SHCBP1: variants seen among roughly 807,000 people sequenced by gnomAD.
The protein encoded by SHCBP1 is SHC binding and spindle associated 1, also known as SHC SH2 domain-binding protein 1.
SHCBP1 carries 60 observed loss-of-function variants against 75.1 expected under a neutral mutation model. The ratio of observed to expected loss-of-function variants is 0.80; its 90% confidence interval spans 0.65 to 0.99. The LOEUF (loss-of-function observed/expected upper bound fraction) is 0.99, where lower values mean the gene tolerates loss of function less well. Ranked by LOEUF, SHCBP1 falls within the 50% of genes least tolerant of loss-of-function variation. The pLI, the probability that SHCBP1 is intolerant of heterozygous loss-of-function variation, is 0.00. For synonymous variants in SHCBP1, 290 were observed against 293.2 expected (o/e 0.99, Z 0.11); for missense variants, 709 against 809.4 (o/e 0.88, Z 1.50).
In SHCBP1 at chr16:46,621,374, G is replaced by C; in HGVS notation, c.-15C>G. On this transcript the variant is annotated 5_prime_UTR_variant, in exon 1 of 13. Transcript: ENST00000303383. ...CCGTCAGCCATTTCAAATTTCCGCG[G>C]ACGGCAGCCCAGGCAACGACGTGAT... is the stretch of plus-strand genomic sequence containing the variant. The C allele has an allele frequency of 6.2e-6, 10 of 1,610,004 alleles. No homozygotes were observed. Among genetic ancestry groups the C allele is most frequent in the Non-Finnish European group, 8.5e-6 (10 of 1,178,262 alleles).
chr16:46,601,731 T>C (rs1028684623), intron 8 of SHCBP1, among the ~76,000 whole-genome samples: 2 of 152,210 alleles, frequency 1.3e-5, no homozygotes, highest in Admixed American at 1.3e-4. Context: ...ACCATTGCTT[T>C]TTATCATCAG....
rs542862827 is a variant in SHCBP1 at position 46,604,154 on chromosome 16, C to T, written c.924-11G>A. The T allele has an allele frequency of 4.7e-5, 76 of 1,613,376 alleles. No homozygotes were observed. Among genetic ancestry groups the T allele is most frequent in the Admixed American group, 6.7e-5 (4 of 59,888 alleles). On this transcript the variant is annotated splice_polypyrimidine_tract_variant and intron_variant, in intron 6 of 12. Coordinates refer to ENST00000303383, the MANE Select transcript of SHCBP1 (RefSeq NM_024745.5). ...TAACCAAACACATACCTTAAAGAAA[C>T]GAAACAGGCCTATCAGTAAGACAGC...
rs960701832 is a variant in SHCBP1 at position 46,579,587 on chromosome 16, G to C, written c.*2142C>G. Among the ~76,000 whole-genome samples the C allele has an allele frequency of 3.9e-5, 6 of 151,974 alleles. No individual in the cohort carries two copies. Among genetic ancestry groups the C allele is most frequent in the African/African-American group, 1.5e-4 (6 of 41,360 alleles). On this transcript the variant is annotated 3_prime_UTR_variant, in exon 13 of 13. Coordinates refer to ENST00000303383, the MANE Select transcript of SHCBP1 (RefSeq NM_024745.5). ...GGCTGAGGTGGGTGGATCACTTGAG[G>C]TCAGGAGTTTGAGAACAGCCTGGGC...
chr16:46,603,413 C>A, intron 8 of SHCBP1, 126 bp downstream of exon 8: 2 of 1,356,134 alleles, frequency 1.5e-6, no homozygotes, highest in Non-Finnish European at 2.0e-6. Context: ...CTTAATGTTT[C>A]AAGGCAGCTC....
At chr16:46,600,987 G>A (rs990014896) in intron 8 of SHCBP1, among the ~76,000 whole-genome samples, 1 of 151,618 alleles carries the variant, frequency 6.6e-6, no homozygotes, top group African/African-American at 2.4e-5. Flanking sequence ...TCCAGCCTGG[G>A]TGACAGTGAC....
chr16:46,617,964 G>C (rs1201149675), intron 2 of SHCBP1, among the ~76,000 whole-genome samples: 1 of 152,184 alleles, frequency 6.6e-6, no homozygotes, highest in Non-Finnish European at 1.5e-5. Context: ...GATCACCTGA[G>C]GTCGGGAGTT....
intron 11 of SHCBP1, 130 bp downstream of exon 11, chr16:46,583,873 T>C (rs1567441098): frequency 8.8e-6 from 8 of 910,000 alleles, no homozygotes; most frequent in Non-Finnish European, 8.3e-6. Context: ...CAATCACTGA[T>C]ATTATCAAAA....
chr16:46,589,057 C>A (rs1465105576), intron 10 of SHCBP1, among the ~76,000 whole-genome samples: 1 of 152,104 alleles, frequency 6.6e-6, no homozygotes, highest in Non-Finnish European at 1.5e-5. Context: ...ATAAACAGAA[C>A]CAAAGACAAA....
At chr16:46,589,263 C>A (rs1057361183) in intron 10 of SHCBP1, among the ~76,000 whole-genome samples, 1 of 152,134 alleles carries the variant, frequency 6.6e-6, no homozygotes, top group African/African-American at 2.4e-5. Flanking sequence ...AACTGTCACA[C>A]AAGACAGGGA....
At chr16:46,587,498 A>T (rs1366074923) in intron 10 of SHCBP1, among the ~76,000 whole-genome samples, 1 of 152,208 alleles carries the variant, frequency 6.6e-6, no homozygotes, top group Admixed American at 6.5e-5. Context: ...AACATGACTC[A>T]ACTATATGCT....
At chr16:46,587,405 ATAAAC>A (rs2142997815) in intron 10 of SHCBP1, among the ~76,000 whole-genome samples, 1 of 152,326 alleles carries the variant, frequency 6.6e-6, no homozygotes, top group South Asian at 2.1e-4. Flanking sequence ...AAAACACGAA[ATAAAC>A]TAAAGATTTA....
At chr16:46,608,695 C>G (rs575069470) in intron 4 of SHCBP1, among the ~76,000 whole-genome samples, 1 of 151,256 alleles carries the variant, frequency 6.6e-6, no homozygotes, top group East Asian at 1.9e-4. Context: ...CCTCCGCCTC[C>G]TGGGTTCAAG....
At chr16:46,594,088 C>T (rs957226581) in intron 10 of SHCBP1, among the ~76,000 whole-genome samples, 1 of 152,032 alleles carries the variant, frequency 6.6e-6, no homozygotes, top group Non-Finnish European at 1.5e-5. Flanking sequence ...AAACCTCACA[C>T]CTTATACCAA....
chr16:46,590,255 T>C (rs1965022825), intron 10 of SHCBP1, among the ~76,000 whole-genome samples: 1 of 151,946 alleles, frequency 6.6e-6, no homozygotes, highest in Admixed American at 6.6e-5. Flanking sequence ...GACATACGCA[T>C]GGCAGGACTT....
chr16:46,616,207 C>T lies in SHCBP1; in HGVS notation c.388-53G>A, dbSNP rs1280313868. ...ACATGGAAATCAAAATGAAGATACA[C>T]CTATAAGACACTACTGACAACCTGA... is the stretch of plus-strand genomic sequence containing the variant. On this transcript the variant is annotated intron_variant, in intron 3 of 12. Transcript: ENST00000303383. This position sits in a 1 kb window ranked among gnomAD's most constrained non-coding sequence, Gnocchi z 4.4. The T allele has an allele frequency of 5.2e-6, 8 of 1,551,390 alleles. No individual in the cohort carries two copies. Among genetic ancestry groups the T allele is most frequent in the Non-Finnish European group, 7.0e-6 (8 of 1,136,922 alleles).
intron 7 of SHCBP1, 134 bp downstream of exon 7, chr16:46,603,841 C>T: frequency 1.5e-6 from 2 of 1,297,422 alleles, no homozygotes; most frequent in Admixed American, 2.5e-5. Flanking sequence ...TGATGAAAGG[C>T]AGGGCTCTCA....
intron 4 of SHCBP1, 143 bp from the exon 5 acceptor site, chr16:46,608,532 G>A (rs1965358630): frequency 5.1e-6 from 3 of 586,972 alleles, no homozygotes; most frequent in Admixed American, 6.0e-5. Flanking sequence ...ATAGTCATGA[G>A]TCACACAACA....
rs1964867857 is a variant in SHCBP1, at chr16:46,581,361, A to T, written c.*368T>A. 1 of 217,056 alleles carries T rather than the reference A, an allele frequency of 4.6e-6. No homozygotes were observed. The highest frequency in any genetic ancestry group is 2.3e-5 in the African/African-American group (1 of 42,646). The allele number at this position is 217,056 out of a possible 1,614,324, so 13.4% of individuals were successfully genotyped here. On this transcript the variant is annotated 3_prime_UTR_variant, in exon 13 of 13. Transcript: ENST00000303383. ...CTAAGAAGAATGCTGTACATATGACACCTATTGCATTTTTATGCACTAGTC... is the reference window on the plus strand; with the variant it reads ...CTAAGAAGAATGCTGTACATATGACTCCTATTGCATTTTTATGCACTAGTC...
intron 12 of SHCBP1, 26 bp downstream of exon 12, chr16:46,583,490 T>C (rs1404281040): frequency 6.4e-7 from 1 of 1,573,564 alleles, no homozygotes; most frequent in Non-Finnish European, 8.6e-7. Context: ...ATGTCTGGTT[T>C]TTATATTAAA....
Sources: allele counts gnomAD v4.1 joint callset (sites outside exome capture counted in the v4.1 genomes callset), GRCh38; gene constraint gnomAD v4.1.1; non-coding constraint Gnocchi (gnomAD v3.1); transcripts MANE v1.5; gene names NCBI Gene and HGNC (gene_info 2026-07-23, HGNC 2026-07-21).